The following SLC34A3 variants were observed in gnomAD, a reference collection of about 807,000 sequenced individuals.
The protein encoded by SLC34A3 is solute carrier family 34 member 3.
Under a neutral mutation model 43.9 loss-of-function variants are expected in SLC34A3, and 60 were observed. That is an observed-to-expected ratio of 1.37 (90% CI 1.11 to 1.70). The LOEUF is 1.70. SLC34A3 is among the 40% of genes most tolerant of loss of function. The pLI, the probability that SLC34A3 is intolerant of heterozygous loss-of-function variation, is 0.00. For synonymous variants in SLC34A3, 451 were observed against 386.2 expected, an observed-to-expected ratio of 1.17 and a Z score of -1.97; for missense variants, 969 against 823.8, an observed-to-expected ratio of 1.18 and a Z score of -2.16.
At chr9:137,230,698 G>A (rs917349153), upstream of SLC34A3, 5 of 152,278 alleles carry the variant, frequency 3.3e-5, no homozygotes, top group African/African-American at 9.6e-5. Flanking sequence ...CCCCTGGGAG[G>A]AGCCCCACTC....
In SLC34A3 at chr9:137,236,096, C is replaced by T. The variant is rs992445590; in HGVS notation, c.1480C>T (p.Leu494Phe). ...CTGGGTGGCTGGGGTCTACCTGCTG[C>T]TCGGATTCCTGCTGCTGCCCCTGGC... ...YRWVAGVYLLLGFLLLPLAAF... is the reference protein window; with the variant it reads ...YRWVAGVYLLFGFLLLPLAAF... The change falls in exon 13 of 13, where the codon CTC becomes TTC. Residue 494 changes from leucine to phenylalanine, a missense_variant. Leu to Phe is a conservative substitution (Grantham distance 22). Coordinates refer to ENST00000673835, the MANE Select transcript of SLC34A3 (RefSeq NM_001177316.2). 6.2e-7 allele frequency: 1 copy of T among 1,612,050 alleles called. No homozygotes were observed. The highest frequency in any genetic ancestry group is 1.3e-5 in the African/African-American group (1 of 74,924).
chr9:137,231,877 C>A (rs1836239984), intron 2 of SLC34A3, 90 bp downstream of exon 2: 3 of 1,280,238 alleles, frequency 2.3e-6, no homozygotes, highest in South Asian at 1.2e-5. Flanking sequence ...TTCCTGCGGG[C>A]CTCCCGGGGA....
At position 137,233,376 on chromosome 9, in the gene SLC34A3, C is replaced by T. The variant is rs372561239; in HGVS notation, c.728C>T (p.Thr243Met). ...GCGCCCGACATCCTCAAGGTGCTGACGAAGCCGCTCACACACCTCATCGTG... is the reference window on the plus strand; with the variant it reads ...GCGCCCGACATCCTCAAGGTGCTGATGAAGCCGCTCACACACCTCATCGTG... ...AQAPDILKVL[T>M]KPLTHLIVQL... is the part of the protein sequence containing the mutation. Residue 243 changes from threonine (T) to methionine (M), a missense_variant, in exon 7 of 13, where the codon ACG (threonine) becomes ATG (methionine). Thr to Met is a moderately conservative substitution (Grantham distance 81). Transcript: ENST00000673835. The T allele has an allele frequency of 3.9e-5, 63 of 1,605,354 alleles. 2 individuals are homozygous for T. The highest frequency in any genetic ancestry group is 1.7e-4 in the Middle Eastern group (1 of 6,012).
chr9:137,233,779 T>TTGGGGGCCCCCCCCCCCCC, intron 8 of SLC34A3, 57 bp downstream of exon 8: 2 of 1,445,796 alleles, frequency 1.4e-6, no homozygotes, highest in Non-Finnish European at 1.9e-6. Context: ...TGCTGAGTCA[T>TTGGGGGCCCCCCCCCCCCC]CCCGCCCCAC....
rs1446631982 is a variant in SLC34A3, at chr9:137,234,337, C to A, written c.1093+61C>A. On this transcript the variant is annotated intron_variant, in intron 10 of 12. Transcript: ENST00000673835. This position sits in a 1 kb window ranked among gnomAD's most constrained non-coding sequence, Gnocchi z 6.9. ...GACCCAGCATCCCCCATAGACTTCCCCTTCCCACCAGGCTGACTCGGGGGC... is the reference window on the plus strand; with the variant it reads ...GACCCAGCATCCCCCATAGACTTCCACTTCCCACCAGGCTGACTCGGGGGC... 9 of 1,602,292 alleles carry A rather than the reference C, an allele frequency of 5.6e-6. No homozygotes were observed. Among genetic ancestry groups the A allele is most frequent in the Non-Finnish European group, 6.8e-6 (8 of 1,178,562 alleles).
chr9:137,233,522 G>C, intron 7 of SLC34A3, 111 bp from the exon 8 acceptor site: 2 of 1,559,028 alleles, frequency 1.3e-6, no homozygotes, highest in South Asian at 2.2e-5. Flanking sequence ...CTGGGACAGG[G>C]GAGGAGAGGG....
At position 137,233,685 on chromosome 9, in the gene SLC34A3, G is replaced by A. The variant is rs370393641; in HGVS notation, c.809G>A (p.Ser270Asn). 1.1e-5 allele frequency: 17 copies of A among 1,612,642 alleles called. No homozygotes were observed. The highest frequency in any genetic ancestry group is 1.4e-5 in the Non-Finnish European group (16 of 1,179,970). ...GCCACAGGCAACGCCACTAACAGCA[G>A]TCTCATTAAGCACTGGTGCGGCACC... ...SSATGNATNS[S>N]LIKHWCGTTG... The change falls in exon 8 of 13, where the codon AGT becomes AAT. Residue 270 changes from serine (S) to asparagine (N), a missense_variant. Ser to Asn is a conservative substitution (Grantham distance 46). Transcript: ENST00000673835.
At position 137,232,168 on chromosome 9, in the gene SLC34A3, C is replaced by G; in HGVS notation, c.175+7C>G. 1 of 1,612,702 alleles carries G rather than the reference C, an allele frequency of 6.2e-7. No homozygotes were observed. The highest frequency in any genetic ancestry group is 8.5e-7 in the Non-Finnish European group (1 of 1,179,764). ...ACAAGCCAGCCCTGGAAAGGTGGGT[C>G]TGGAGGTTCCGGGGGTGGCAGGCTG... On this transcript the variant is annotated splice_region_variant and intron_variant, in intron 3 of 12. Coordinates refer to ENST00000673835, the MANE Select transcript of SLC34A3 (RefSeq NM_001177316.2).
Position 137,236,398 on chromosome 9 carries a change from G to C in SLC34A3, c.1782G>C (p.Leu594Phe). The change falls in exon 13 of 13, where the codon TTG becomes TTC. Residue 594 changes from leucine to phenylalanine, a missense_variant. By Grantham distance (22) the Leu-to-Phe change is conservative. Coordinates refer to ENST00000673835, the MANE Select transcript of SLC34A3 (RefSeq NM_001177316.2). ...EAYCYENPEI[L>F]ASQQL ...ACTGCTACGAGAACCCTGAGATCTT[G>C]GCCTCCCAGCAGTTGTGACGGGCAG... 2.0e-6 allele frequency: 3 copies of C among 1,537,504 alleles called. No individual in the cohort carries two copies. The highest frequency in any genetic ancestry group is 2.6e-6 in the Non-Finnish European group (3 of 1,146,690).
chr9:137,231,800 CCT>C lies in SLC34A3; in HGVS notation c.85+14_85+15del, dbSNP rs1836234068. On this transcript the variant is annotated intron_variant, in intron 2 of 12. Transcript: ENST00000673835. ...CTGAGGAATGAAGGTACCAGTGGCC[CCT>C]GTGCCCCAGGCCTTCACCAGTCTGA... The C allele has an allele frequency of 1.2e-6, 2 of 1,611,330 alleles. No individual in the cohort carries two copies. Among genetic ancestry groups the C allele is most frequent in the East Asian group, 2.2e-5 (1 of 44,880 alleles).
In SLC34A3 at chr9:137,235,406, C is replaced by T. The variant is rs537829862; in HGVS notation, c.1336-546C>T. Reference sequence around the variant, plus strand: ...TGCGGCACCCCCTGGAACCCACGCTCGTTCTTCTTGCCTCTGCCCTGTCTC... The same window carrying T: ...TGCGGCACCCCCTGGAACCCACGCTTGTTCTTCTTGCCTCTGCCCTGTCTC... On this transcript the variant is annotated intron_variant, in intron 12 of 12. Coordinates refer to ENST00000673835, the MANE Select transcript of SLC34A3 (RefSeq NM_001177316.2). Among the ~76,000 whole-genome samples, 157 of 152,278 alleles carry T rather than the reference C, an allele frequency of 1.0e-3. 2 individuals are homozygous for T. The highest frequency in any genetic ancestry group is 3.7e-3 in the African/African-American group (153 of 41,554).
intron 12 of SLC34A3, among the ~76,000 whole-genome samples, chr9:137,235,186 C>A (rs1286643492): frequency 6.6e-6 from 1 of 152,104 alleles, no homozygotes; most frequent in Non-Finnish European, 1.5e-5. Context: ...CTGCCGCTGC[C>A]AGGGCTGTGA....
chr9:137,233,521 G>A, intron 7 of SLC34A3, 112 bp from the exon 8 acceptor site: 2 of 1,559,610 alleles, frequency 1.3e-6, no homozygotes, highest in Non-Finnish European at 8.8e-7. Flanking sequence ...CCTGGGACAG[G>A]GGAGGAGAGG....
intron 3 of SLC34A3, among the ~76,000 whole-genome samples, 195 bp downstream of exon 3, chr9:137,232,356 A>G (rs1160667225): frequency 6.6e-6 from 1 of 152,178 alleles, no homozygotes; most frequent in African/African-American, 2.4e-5. Flanking sequence ...ACCTCTGCCC[A>G]TCCGTCCCTC....
Position 137,232,590 on chromosome 9 carries a change from G to A in SLC34A3, c.191G>A (p.Gly64Asp). The change falls in exon 4 of 13, where the codon GGC becomes GAC. Residue 64 changes from glycine to aspartate, a missense_variant. By Grantham distance (94) the Gly-to-Asp change is moderately conservative. Coordinates refer to ENST00000673835, the MANE Select transcript of SLC34A3 (RefSeq NM_001177316.2). ...SQPWKELRVAGRLRRVAGSVL... is the reference protein window; with the variant it reads ...SQPWKELRVADRLRRVAGSVL... ...GTGTCCTCAGAGCTCCGCGTGGCCG[G>A]CAGGCTGCGCCGCGTGGCCGGCAGC... is the stretch of plus-strand genomic sequence containing the variant. 1.2e-6 allele frequency: 2 copies of A among 1,609,056 alleles called. No individual in the cohort carries two copies. The highest frequency in any genetic ancestry group is 1.1e-5 in the South Asian group (1 of 90,784).
At chr9:137,232,479 G>C in intron 3 of SLC34A3, 96 bp from the exon 4 acceptor site, 7 of 1,536,654 alleles carry the variant, frequency 4.6e-6, no homozygotes, top group Non-Finnish European at 6.2e-6. Flanking sequence ...AGCCCTGTTG[G>C]AGACAGAGGA....
rs565343562 is a variant in SLC34A3 at position 137,234,242 on chromosome 9, C to G, written c.1059C>G (p.Arg353=). The G allele has an allele frequency of 1.9e-6, 3 of 1,610,568 alleles. No individual in the cohort carries two copies. Residue 353 remains arginine (R), a synonymous_variant, in exon 10 of 13, where the codon CGC becomes CGG. Transcript: ENST00000673835. This position sits in a 1 kb window ranked among gnomAD's most constrained non-coding sequence, Gnocchi z 6.9. ...VKLLNSVLRG[R]VAQVVRTVIN... is the part of the protein sequence containing the mutation. ...TGCTCAACTCTGTGCTGCGCGGCCGCGTGGCCCAGGTCGTGAGGACAGTCA... is the reference window on the plus strand; with the variant it reads ...TGCTCAACTCTGTGCTGCGCGGCCGGGTGGCCCAGGTCGTGAGGACAGTCA...
upstream of SLC34A3, among the ~76,000 whole-genome samples, chr9:137,229,977 C>T (rs1026610199): frequency 1.3e-5 from 2 of 152,080 alleles, no homozygotes; most frequent in African/African-American, 2.4e-5. Context: ...AGAGCAAGGG[C>T]GCAGGAGGGA....
At chr9:137,231,872 G>A in intron 2 of SLC34A3, 85 bp downstream of exon 2, 1 of 1,329,290 alleles carries the variant, frequency 7.5e-7, no homozygotes, top group Non-Finnish European at 1.1e-6. Context: ...CAGGTTTCCT[G>A]CGGGCCTCCC....
Sources: allele counts gnomAD v4.1 joint callset (sites outside exome capture counted in the v4.1 genomes callset), GRCh38; gene constraint gnomAD v4.1.1; non-coding constraint Gnocchi (gnomAD v3.1); transcripts MANE v1.5; gene names NCBI Gene and HGNC (gene_info 2026-07-23, HGNC 2026-07-21).